Variants in CSMD2 observed in about 807,000 individuals in gnomAD.
CSMD2 encodes CUB and sushi domain-containing protein 2.
Under a neutral mutation model 398.5 loss-of-function variants are expected in CSMD2, and 130 were observed. That is an observed-to-expected ratio of 0.33 (90% CI 0.28 to 0.38). The LOEUF (loss-of-function observed/expected upper bound fraction) is 0.38. Among genes scored for constraint, CSMD2 ranks in the 10% least tolerant of loss-of-function variants. The pLI is 1.00. For synonymous variants in CSMD2, 1,828 were observed against 1,908.5 expected (o/e 0.96, Z 1.10); for missense variants, 3,829 against 4,764.9 (o/e 0.80, Z 5.78).
At chr1:33,843,250 T>A (rs1029335506) in intron 6 of CSMD2, among the ~76,000 whole-genome samples, 1 of 152,202 alleles carries the variant, frequency 6.6e-6, no homozygotes, top group Non-Finnish European at 1.5e-5. Context: ...TACCTCCTGA[T>A]AACCAGTCCG....
chr1:34,159,334 C>CG (rs1334808760), intron 1 of CSMD2, among the ~76,000 whole-genome samples: 4 of 70,214 alleles, frequency 5.7e-5, no homozygotes, highest in African/African-American at 2.3e-4. Context: ...GCCTGCCCCC[C>CG]CCCCACCCAG....
At position 33,724,877 on chromosome 1, in the gene CSMD2, C is replaced by T. The variant is rs1029165545; in HGVS notation, c.2696-173G>A. On this transcript the variant is annotated intron_variant, in intron 17 of 70. Coordinates refer to ENST00000373381, the MANE Select transcript of CSMD2 (RefSeq NM_001281956.2). The stretch of plus-strand genomic sequence containing the variant: ...TGCTGAGAGTGGCTTAGGTGCTATG[C>T]TAAGGCTTAGGAGTAAGAAAATGAC... Among the ~76,000 whole-genome samples, 3 of 152,292 alleles carry T rather than the reference C, an allele frequency of 2.0e-5. No individual in the cohort carries two copies. In the East Asian group the frequency reaches 5.8e-4, roughly 29 times the overall value.
intron 5 of CSMD2, among the ~76,000 whole-genome samples, chr1:33,889,430 T>C (rs932664853): frequency 2.6e-5 from 4 of 152,176 alleles, no homozygotes; most frequent in Admixed American, 6.5e-5. Flanking sequence ...TTATACATGG[T>C]TGATGGAAAC....
chr1:33,693,360 G>A (rs1460760945), intron 24 of CSMD2, among the ~76,000 whole-genome samples: 2 of 152,156 alleles, frequency 1.3e-5, no homozygotes, highest in East Asian at 3.9e-4. Context: ...GTTTAACATT[G>A]TTAGTCATTA....
chr1:33,801,701 G>C (rs1655625776), intron 10 of CSMD2, among the ~76,000 whole-genome samples: 1 of 152,236 alleles, frequency 6.6e-6, no homozygotes, highest in Non-Finnish European at 1.5e-5. Context: ...ACATGATGAA[G>C]TTAGGAAGGC....
At chr1:34,048,673 C>A (rs1182673720) in intron 2 of CSMD2, among the ~76,000 whole-genome samples, 2 of 152,180 alleles carry the variant, frequency 1.3e-5, no homozygotes, top group African/African-American at 4.8e-5. Flanking sequence ...TTCCTGTTGG[C>A]CGCCAGAGCT....
chr1:33,582,718 G>T (rs1638812616), intron 47 of CSMD2, among the ~76,000 whole-genome samples: 1 of 152,208 alleles, frequency 6.6e-6, no homozygotes, highest in African/African-American at 2.4e-5. Flanking sequence ...CCAGAGGAGT[G>T]GTGTATGAAG....
chr1:33,548,668 T>G (rs1010803578), intron 56 of CSMD2, among the ~76,000 whole-genome samples: 2 of 152,240 alleles, frequency 1.3e-5, no homozygotes, highest in African/African-American at 4.8e-5. Context: ...ATATACCTAA[T>G]GTTACTTCCT....
chr1:33,879,921 TGA>T (rs762913495), intron 5 of CSMD2, among the ~76,000 whole-genome samples: 176 of 152,356 alleles, frequency 1.2e-3, no homozygotes, highest in Middle Eastern at 6.8e-3. Context: ...TAACACTCAT[TGA>T]GAGTTTATAA....
chr1:33,596,860 T>C (rs1032670080), intron 44 of CSMD2, among the ~76,000 whole-genome samples: 2 of 152,216 alleles, frequency 1.3e-5, no homozygotes, highest in Non-Finnish European at 2.9e-5. Flanking sequence ...ATCTCACAGC[T>C]TTAGGACTGA....
At chr1:33,758,321 C>T (rs968878534) in intron 13 of CSMD2, among the ~76,000 whole-genome samples, 5 of 152,188 alleles carry the variant, frequency 3.3e-5, no homozygotes, top group Admixed American at 1.3e-4. Context: ...GCACTCAGGG[C>T]CTCAGCCACT....
chr1:33,719,972 T>C (rs1483759840), intron 19 of CSMD2, among the ~76,000 whole-genome samples: 1 of 152,170 alleles, frequency 6.6e-6, no homozygotes. Context: ...TTCTCAGGAC[T>C]CCTGAATTGG....
chr1:33,819,477 A>C (rs1401759132), intron 9 of CSMD2, among the ~76,000 whole-genome samples: 1 of 152,226 alleles, frequency 6.6e-6, no homozygotes, highest in Non-Finnish European at 1.5e-5. Context: ...AGGTCCATGC[A>C]GGGCAAGCAC....
chr1:33,724,795 G>A (rs910676543), intron 17 of CSMD2, 91 bp from the exon 18 acceptor site: 2 of 1,240,826 alleles, frequency 1.6e-6, no homozygotes, highest in Non-Finnish European at 2.2e-6. Context: ...GAGAGCCCTG[G>A]TTTATTAAAG....
intron 25 of CSMD2, among the ~76,000 whole-genome samples, chr1:33,678,044 C>T (rs182705369): frequency 2.1e-4 from 32 of 151,462 alleles, no homozygotes; most frequent in African/African-American, 5.6e-4. Context: ...ACCAACATGG[C>T]ACATGTATAC....
intron 1 of CSMD2, among the ~76,000 whole-genome samples, chr1:34,140,865 G>A (rs1639226212): frequency 6.6e-6 from 1 of 152,046 alleles, no homozygotes; most frequent in Non-Finnish European, 1.5e-5. Flanking sequence ...ACCCAGCTGG[G>A]CTAGCTCCAG....
At chr1:34,018,676 ACT>A (rs1229680481) in intron 3 of CSMD2, among the ~76,000 whole-genome samples, 1 of 152,028 alleles carries the variant, frequency 6.6e-6, no homozygotes, top group East Asian at 1.9e-4. Flanking sequence ...TTATTTGCTG[ACT>A]CTATTTCCTC....
At chr1:33,950,386 AG>A (rs1644967651) in intron 3 of CSMD2, among the ~76,000 whole-genome samples, 1 of 43,366 alleles carries the variant, frequency 2.3e-5, no homozygotes, top group Non-Finnish European at 4.9e-5. Flanking sequence ...CCTCCAGCAG[AG>A]AGAGAGAGAG....
chr1:33,826,308 C>CT (rs759800944), intron 6 of CSMD2, among the ~76,000 whole-genome samples: 3,079 of 151,146 alleles, frequency 0.02, 112 homozygotes, highest in African/African-American at 0.072. Flanking sequence ...AGTACATTCC[C>CT]CCACTCCTTG....
Sources: allele counts gnomAD v4.1 joint callset (sites outside exome capture counted in the v4.1 genomes callset), GRCh38; gene constraint gnomAD v4.1.1; transcripts MANE v1.5; gene names NCBI Gene and HGNC (gene_info 2026-07-23, HGNC 2026-07-21).